Variants in YLPM1 observed in about 807,000 individuals in gnomAD.
The protein encoded by YLPM1 is YLP motif containing 1.
Under a neutral mutation model 230.0 loss-of-function variants are expected in YLPM1, and 99 were observed. That is an observed-to-expected ratio of 0.43 (90% CI 0.37 to 0.51). YLPM1 has a LOEUF of 0.51. Among genes scored for constraint, YLPM1 ranks in the 20% least tolerant of loss-of-function variants. YLPM1 has a pLI of 0.00. For synonymous variants in YLPM1, 984 were observed against 942.5 expected (o/e 1.04, Z -0.81); for missense variants, 2,592 against 2,707.7 (o/e 0.96, Z 0.95).
rs780141684 is a variant in YLPM1 at position 74,763,754 on chromosome 14, C to T, written c.265C>T (p.Pro89Ser). ...CCTTCCTCCGCCCCCTCTGCCGCCC[C>T]CGCCAGTGATGCCGGGGGGCGGCTA... ...HHLPPPPLPPPPVMPGGGYGD... is the reference protein window; with the variant it reads ...HHLPPPPLPPSPVMPGGGYGD... The change falls in exon 1 of 21, where the codon CCG becomes TCG. Residue 89 changes from proline (P) to serine (S), a missense_variant. Pro to Ser is a moderately conservative substitution (Grantham distance 74, BLOSUM62 -1). Coordinates refer to ENST00000325680, the MANE Select transcript of YLPM1 (RefSeq NM_019589.3). 9.4e-6 allele frequency: 14 copies of T among 1,494,428 alleles called. No homozygotes were observed. The East Asian group carries it at 3.1e-4, about 33-fold the overall frequency. 92.6% of individuals were successfully genotyped at this position (1,494,428 alleles called of 1,614,324 possible). A position where few individuals can be genotyped will look rare whatever the true frequency, so the allele number is the denominator to read the frequency against.
chr14:74,783,598 C>T (rs912040980), intron 4 of YLPM1, among the ~76,000 whole-genome samples: 5 of 152,092 alleles, frequency 3.3e-5, no homozygotes, highest in African/African-American at 9.7e-5. Context: ...CACCAATCTG[C>T]GTATTGCTTA....
chr14:74,767,818 A>ATTTTTT (rs747395491), intron 1 of YLPM1, among the ~76,000 whole-genome samples: 1 of 142,194 alleles, frequency 7.0e-6, no homozygotes, highest in Non-Finnish European at 1.5e-5. Flanking sequence ...TGTCTTCCAC[A>ATTTTTT]TTTTTTTTTT....
At chr14:74,780,276 T>A in intron 2 of YLPM1, 129 bp from the exon 3 acceptor site, 1 of 1,161,090 alleles carries the variant, frequency 8.6e-7, no homozygotes, top group Non-Finnish European at 1.2e-6. Context: ...CAAAAAGAAC[T>A]GAAGATACTG....
chr14:74,790,648 T>TA (rs1278289544), intron 4 of YLPM1, among the ~76,000 whole-genome samples: 1 of 152,188 alleles, frequency 6.6e-6, no homozygotes, highest in Non-Finnish European at 1.5e-5. Flanking sequence ...TCTAAATACT[T>TA]AAAACCAGAT....
chr14:74,776,059 T>C (rs2091033942), intron 1 of YLPM1, among the ~76,000 whole-genome samples: 1 of 152,232 alleles, frequency 6.6e-6, no homozygotes, highest in South Asian at 2.1e-4. Flanking sequence ...TTATGATAAC[T>C]TTTGGTTTTC....
chr14:74,773,403 G>T (rs887752604), intron 1 of YLPM1, among the ~76,000 whole-genome samples: 1 of 152,242 alleles, frequency 6.6e-6, no homozygotes, highest in Non-Finnish European at 1.5e-5. Context: ...CATGAGAATA[G>T]GTGATGAAGA....
chr14:74,803,246 G>A (rs2091345533), intron 6 of YLPM1, among the ~76,000 whole-genome samples: 1 of 152,142 alleles, frequency 6.6e-6, no homozygotes, highest in South Asian at 2.1e-4. Flanking sequence ...GTATGAAAAG[G>A]GGTGTTTATG....
At position 74,797,642 on chromosome 14, in the gene YLPM1, G is replaced by A; in HGVS notation, c.2345G>A (p.Gly782Glu). Residue 782 changes from glycine to glutamate, a missense_variant, in exon 5 of 21, where the codon GGG becomes GAG. This residue lies in a region of YLPM1 where 1,862 missense variants were observed against 1,819.8 expected (regional missense o/e 1.02). Transcript: ENST00000325680. ...AGGTGTGAAGGACCGAGACCCAAAG[G>A]GCCTCGTTTTGAAGGAAATCGCCCC... Reference protein sequence around the residue: ...GSRCEGPRPKGPRFEGNRPDG... With the variant: ...GSRCEGPRPKEPRFEGNRPDG... The A allele has an allele frequency of 6.3e-7, 1 of 1,576,300 alleles. No homozygotes were observed. The highest frequency in any genetic ancestry group is 8.6e-7 in the Non-Finnish European group (1 of 1,161,314).
intron 6 of YLPM1, among the ~76,000 whole-genome samples, chr14:74,806,855 A>G (rs2091383895): frequency 6.6e-6 from 1 of 151,284 alleles, no homozygotes; most frequent in South Asian, 2.1e-4. Flanking sequence ...ATAGATATTA[A>G]CCCTTTCTCA....
chr14:74,812,791 T>C lies in YLPM1; in HGVS notation c.5502+9T>C, dbSNP rs1287728481. 1.9e-6 allele frequency: 3 copies of C among 1,610,044 alleles called. No individual in the cohort carries two copies. Among genetic ancestry groups the C allele is most frequent in the East Asian group, 2.2e-5 (1 of 44,782 alleles). On this transcript the variant is annotated intron_variant, in intron 11 of 20. Coordinates refer to ENST00000325680, the MANE Select transcript of YLPM1 (RefSeq NM_019589.3). Reference sequence around the variant, plus strand: ...AGAGCAGACCTGAGAGAGTGAGTCCTATGAAGTTGATTCGTCTTCGTGCAA... The same window carrying C: ...AGAGCAGACCTGAGAGAGTGAGTCCCATGAAGTTGATTCGTCTTCGTGCAA...
At chr14:74,794,667 G>T (rs1367831136) in intron 4 of YLPM1, among the ~76,000 whole-genome samples, 1 of 150,880 alleles carries the variant, frequency 6.6e-6, no homozygotes, top group Non-Finnish European at 1.5e-5. Flanking sequence ...CCTCTTTCAT[G>T]TTCTGTAACT....
chr14:74,835,365 G>A lies in YLPM1; in HGVS notation c.6395G>A (p.Ser2132Asn). ...QTDWEKITDE[S>N]GHLAEKALNR... ...GATTGGGAGAAGATCACAGATGAAAGTGGTCACCTGGCTGAAAAAGCCCTC... is the reference window on the plus strand; with the variant it reads ...GATTGGGAGAAGATCACAGATGAAAATGGTCACCTGGCTGAAAAAGCCCTC... Residue 2132 changes from serine (S) to asparagine (N), a missense_variant, in exon 20 of 21, where the codon AGT becomes AAT. By Grantham distance (46) the Ser-to-Asn change is conservative. Transcript: ENST00000325680. 6.2e-7 allele frequency: 1 copy of A among 1,613,726 alleles called. No individual in the cohort carries two copies.
intron 1 of YLPM1, among the ~76,000 whole-genome samples, chr14:74,776,269 G>A (rs994665832): frequency 6.6e-6 from 1 of 152,144 alleles, no homozygotes; most frequent in African/African-American, 2.4e-5. Context: ...AGTGCTCCTC[G>A]GGGAAATACA....
intron 15 of YLPM1, 44 bp downstream of exon 15, chr14:74,817,321 G>A (rs1220219065): frequency 6.6e-7 from 1 of 1,512,008 alleles, no homozygotes; most frequent in Non-Finnish European, 8.9e-7. Context: ...ATCATGCGCT[G>A]CATAATGATG....
At position 74,778,667 on chromosome 14, in the gene YLPM1, C is replaced by T. The variant is rs1381997291; in HGVS notation, c.1094C>T (p.Pro365Leu). 1.2e-5 allele frequency: 19 copies of T among 1,570,256 alleles called. No homozygotes were observed. The highest frequency in any genetic ancestry group is 1.6e-5 in the Non-Finnish European group (19 of 1,158,134). Residue 365 changes from proline to leucine, a missense_variant, in exon 2 of 21, where the codon CCA (proline) becomes CTA (leucine). By Grantham distance (98) the Pro-to-Leu change is moderately conservative. Around this residue, in one of 4 missense-constraint regions of YLPM1, gnomAD observed 1,862 missense variants for 1,819.8 expected, o/e 1.02. Transcript: ENST00000325680. Reference sequence around the variant, plus strand: ...AATGAGGAAGTGCCACCTCCTCTCCCACCTGAGGAACCCCAGGTAACCATA... The same window carrying T: ...AATGAGGAAGTGCCACCTCCTCTCCTACCTGAGGAACCCCAGGTAACCATA... ...PPNEEVPPPL[P>L]PEEPQSEDPE... is the part of the protein sequence containing the mutation.
chr14:74,824,170 A>C, intron 17 of YLPM1, 86 bp from the exon 18 acceptor site: 3 of 1,322,476 alleles, frequency 2.3e-6, no homozygotes, highest in Non-Finnish European at 3.2e-6. Context: ...ATCCATTCCC[A>C]GTTTTAATGC....
intron 1 of YLPM1, among the ~76,000 whole-genome samples, chr14:74,765,926 G>A (rs1401788527): frequency 2.0e-5 from 3 of 152,196 alleles, no homozygotes; most frequent in South Asian, 2.1e-4. Context: ...AGATCAAGAA[G>A]AGCCTTGAAG....
chr14:74,773,505 C>G (rs186096522), intron 1 of YLPM1, among the ~76,000 whole-genome samples: 30 of 152,206 alleles, frequency 2.0e-4, no homozygotes, highest in African/African-American at 7.0e-4. Flanking sequence ...TAGTTTGCAT[C>G]TTTGTATCTT....
In YLPM1 at chr14:74,799,373, A is replaced by G. The variant is rs1386872964; in HGVS notation, c.4076A>G (p.His1359Arg). The change falls in exon 5 of 21, where the codon CAT (histidine) becomes CGT (arginine). Residue 1359 changes from histidine (H) to arginine (R), a missense_variant. Coordinates refer to ENST00000325680, the MANE Select transcript of YLPM1 (RefSeq NM_019589.3). The stretch of plus-strand genomic sequence containing the variant: ...TGGAGAGAAGAAAGAAATCGAGAGC[A>G]TGGGTATGATCGAGATTTCCGTGAT... ...DRWREERNRE[H>R]GYDRDFRDRG... The G allele has an allele frequency of 2.5e-6, 4 of 1,613,912 alleles. No individual in the cohort carries two copies. The highest frequency in any genetic ancestry group is 1.3e-5 in the African/African-American group (1 of 74,922).
Sources: gnomAD v4.1 joint callset for allele counts (sites outside exome capture counted in the v4.1 genomes callset) on GRCh38, gnomAD v4.1.1 for gene constraint, gnomAD v4.1.1 regional missense constraint, MANE v1.5 for transcripts, NCBI Gene and HGNC (gene_info 2026-07-23, HGNC 2026-07-21) for gene names.